The following CDC25B variants were observed in gnomAD, a reference collection of about 807,000 sequenced individuals.
CDC25B encodes the protein cell division cycle 25B.
Under a neutral mutation model 69.8 loss-of-function variants are expected in CDC25B, and 33 were observed. The observed-to-expected ratio is 0.47, with a 90% CI of 0.36 to 0.63. The LOEUF (loss-of-function observed/expected upper bound fraction) is 0.63. Among genes scored for constraint, CDC25B ranks in the 30% least tolerant of loss-of-function variants. The pLI, the probability that CDC25B is intolerant of heterozygous loss-of-function variation, is 0.00. For synonymous variants in CDC25B, 341 were observed against 314.6 expected, an observed-to-expected ratio of 1.08 and a Z score of -0.89; for missense variants, 727 against 809.1, an observed-to-expected ratio of 0.90 and a Z score of 1.23.
chr20:3,804,565 C>A lies in CDC25B; in HGVS notation c.1491-4C>A. ...CTGACCACACCCTGCCCATGACGCC[C>A]CAGGTGCCGTTTCATCAGGGAACGA... is the stretch of plus-strand genomic sequence containing the variant. On this transcript the variant is annotated splice_region_variant and splice_polypyrimidine_tract_variant and intron_variant, in intron 14 of 15. Transcript: ENST00000245960. 1 of 1,606,044 alleles carries A rather than the reference C, an allele frequency of 6.2e-7. No individual in the cohort carries two copies. Among genetic ancestry groups the A allele is most frequent in the Non-Finnish European group, 8.5e-7 (1 of 1,172,710 alleles).
chr20:3,804,754 G>A, intron 15 of CDC25B, 67 bp from the exon 16 acceptor site: 6 of 1,591,156 alleles, frequency 3.8e-6, no homozygotes, highest in East Asian at 4.5e-5. Flanking sequence ...GGGATGGGGG[G>A]TGGGAGGGTT....
chr20:3,803,604 C>G lies in CDC25B; in HGVS notation c.1490+67C>G. 1 of 1,602,316 alleles carries G rather than the reference C, an allele frequency of 6.2e-7. No individual in the cohort carries two copies. Among genetic ancestry groups the G allele is most frequent in the South Asian group, 1.1e-5 (1 of 90,702 alleles). ...CCTTCCCTGCCCAGGCTCACAGGTG[C>G]TGGCACCATTGAGATGGCCAGGGGT... On this transcript the variant is annotated intron_variant, in intron 14 of 15. Transcript: ENST00000245960. This position sits in a 1 kb window ranked among gnomAD's most constrained non-coding sequence, Gnocchi z 4.9.
chr20:3,789,109 C>T (rs1022231722), intron 1 of CDC25B, among the ~76,000 whole-genome samples: 20 of 152,224 alleles, frequency 1.3e-4, no homozygotes, highest in African/African-American at 4.3e-4. Flanking sequence ...CCCGGGCTTC[C>T]CCACCTCTTT....
At chr20:3,794,931 G>A (rs879266564), upstream of CDC25B, among the ~76,000 whole-genome samples, 1 of 152,080 alleles carries the variant, frequency 6.6e-6, no homozygotes, top group Admixed American at 6.6e-5. Context: ...ACCACCACCC[G>A]CCCAGCCAGA....
intron 11 of CDC25B, 46 bp downstream of exon 11, chr20:3,802,422 CT>C: frequency 2.2e-6 from 3 of 1,367,950 alleles, no homozygotes; most frequent in Non-Finnish European, 3.1e-6. Flanking sequence ...TGACCTCTTA[CT>C]GACTAGGGGT....
chr20:3,803,642 C>T lies in CDC25B; in HGVS notation c.1490+105C>T. ...GATGGCCAGGGGTGCAAGTCCAGGT[C>T]CTCCTCTGTCCCATCTGATGGCCTA... On this transcript the variant is annotated intron_variant, in intron 14 of 15. Coordinates refer to ENST00000245960, the MANE Select transcript of CDC25B (RefSeq NM_021873.4). This position sits in a 1 kb window ranked among gnomAD's most constrained non-coding sequence, Gnocchi z 4.9. 3 of 1,415,754 alleles carry T rather than the reference C, an allele frequency of 2.1e-6. No individual in the cohort carries two copies. Among genetic ancestry groups the T allele is most frequent in the Non-Finnish European group, 2.9e-6 (3 of 1,025,330 alleles). The allele number at this position is 1,415,754 out of a possible 1,614,324, so 87.7% of individuals were successfully genotyped here.
At chr20:3,802,493 G>A in intron 11 of CDC25B, 117 bp downstream of exon 11, 1 of 683,332 alleles carries the variant, frequency 1.5e-6, no homozygotes, top group Non-Finnish European at 2.5e-6. Context: ...CCTTTTCTTT[G>A]TCCTTTGTAT....
chr20:3,800,887 G>T (rs747493600), intron 6 of CDC25B, 22 bp downstream of exon 6: 2 of 1,613,408 alleles, frequency 1.2e-6, no homozygotes, highest in Non-Finnish European at 1.7e-6. Flanking sequence ...GAAGGCCGGG[G>T]TGGGAGCTCT....
Position 3,803,116 on chromosome 20 carries a change from C to T in CDC25B, c.1266C>T (p.Ala422=), listed in dbSNP as rs1334837688. 2.5e-6 allele frequency: 4 copies of T among 1,613,632 alleles called. No individual in the cohort carries two copies. Among genetic ancestry groups the T allele is most frequent in the Non-Finnish European group, 1.7e-6 (2 of 1,179,622 alleles). Residue 422 remains alanine (A), a synonymous_variant, in exon 13 of 16, where the codon GCC becomes GCT. Transcript: ENST00000245960. The surrounding 1 kb of genome is among the most constrained non-coding windows in gnomAD (Gnocchi z 4.9). ...CCCATGACCTCCTACAGATGGTGGC[C>T]CTATTGACGGGCAAGTTCAGCAACA... ...LKYISPETMV[A]LLTGKFSNIV...
chr20:3,801,573 G>A (rs573894867), intron 8 of CDC25B, 149 bp from the exon 9 acceptor site: 2 of 1,034,268 alleles, frequency 1.9e-6, no homozygotes, highest in Middle Eastern at 2.5e-4. Context: ...GTGCCACAGT[G>A]GAGGGCGGTT....
intron 2 of CDC25B, among the ~76,000 whole-genome samples, chr20:3,798,017 G>C (rs568430507): frequency 6.6e-6 from 1 of 152,330 alleles, no homozygotes; most frequent in East Asian, 1.9e-4. Context: ...ACGCTCCAGA[G>C]TTCCTAAACC....
chr20:3,803,369 C>T lies in CDC25B; in HGVS notation c.1357-35C>T. ...ACGGGGAGGGCCCTGACTCCTGGACCCGGGGCTGTGCCTGACCTCTGGCTC... is the reference window on the plus strand; with the variant it reads ...ACGGGGAGGGCCCTGACTCCTGGACTCGGGGCTGTGCCTGACCTCTGGCTC... On this transcript the variant is annotated intron_variant, in intron 13 of 15. Coordinates refer to ENST00000245960, the MANE Select transcript of CDC25B (RefSeq NM_021873.4). This position sits in a 1 kb window ranked among gnomAD's most constrained non-coding sequence, Gnocchi z 4.9. The T allele has an allele frequency of 6.2e-7, 1 of 1,613,894 alleles. No individual in the cohort carries two copies.
chr20:3,794,914 C>A (rs1259176082), upstream of CDC25B, among the ~76,000 whole-genome samples: 1 of 152,176 alleles, frequency 6.6e-6, no homozygotes, highest in Non-Finnish European at 1.5e-5. Context: ...TGCAGCCCGC[C>A]CCCCGCACCA....
chr20:3,796,004 G>A (rs374054731), upstream of CDC25B: 7 of 990,486 alleles, frequency 7.1e-6, no homozygotes, highest in Non-Finnish European at 8.4e-6. Context: ...GCCGCGGGGG[G>A]TCCTGCGGAG....
At chr20:3,801,150 G>A (rs1470840132) in intron 7 of CDC25B, 57 bp downstream of exon 7, 15 of 1,608,924 alleles carry the variant, frequency 9.3e-6, no homozygotes, top group Non-Finnish European at 1.2e-5. Flanking sequence ...TCGGAGAAGA[G>A]GAGGGTGGCC....
At chr20:3,787,562 C>T (rs566077951) in intron 1 of CDC25B, among the ~76,000 whole-genome samples, 1 of 152,282 alleles carries the variant, frequency 6.6e-6, no homozygotes, top group Non-Finnish European at 1.5e-5. Context: ...TTTGCACTTA[C>T]AGAAATAACA....
chr20:3,790,167 AGAAAGAAG>A (rs1342033484), intron 1 of CDC25B, among the ~76,000 whole-genome samples: 2 of 151,816 alleles, frequency 1.3e-5, no homozygotes, highest in East Asian at 3.9e-4. Context: ...AGGAGGAAAA[AGAAAGAAG>A]GAAAGAAGGA....
intron 14 of CDC25B, among the ~76,000 whole-genome samples, 170 bp from the exon 15 acceptor site, chr20:3,804,399 T>A (rs2089400499): frequency 6.6e-6 from 1 of 152,144 alleles, no homozygotes; most frequent in South Asian, 2.1e-4. Context: ...CTCCCCACCC[T>A]CTTCTGTAGC....
In CDC25B at chr20:3,796,426, C is replaced by G. The variant is rs560932739; in HGVS notation, c.-106C>G. ...CTTCCTCCCTCCCTCCTTCCCCCCC[C>G]CCCCACCCCTCGCCCGCTGCCTCCC... On this transcript the variant is annotated 5_prime_UTR_variant, in exon 1 of 16. Transcript: ENST00000245960. 7.5e-5 allele frequency: 17 copies of G among 227,516 alleles called. 1 individual carries two copies. Among genetic ancestry groups the G allele is most frequent in the Non-Finnish European group, 1.0e-4 (14 of 134,024 alleles). 14.1% of individuals were successfully genotyped at this position (227,516 alleles called of 1,614,324 possible). A position where few individuals can be genotyped will look rare whatever the true frequency, so the allele number is the denominator to read the frequency against.
Sources: allele counts gnomAD v4.1 joint callset (sites outside exome capture counted in the v4.1 genomes callset), GRCh38; gene constraint gnomAD v4.1.1; non-coding constraint Gnocchi (gnomAD v3.1); transcripts MANE v1.5; gene names NCBI Gene and HGNC (gene_info 2026-07-23, HGNC 2026-07-21).